CERS6: variants seen among roughly 807,000 people sequenced by gnomAD.
CERS6 encodes the protein ceramide synthase 6, also known as LAG1 homolog, ceramide synthase 6.
A neutral mutation model predicts 56.8 loss-of-function variants in CERS6; 26 were observed. The ratio of observed to expected loss-of-function variants is 0.46; its 90% confidence interval spans 0.34 to 0.63. The LOEUF is 0.63. Among genes scored for constraint, CERS6 ranks in the 30% least tolerant of loss-of-function variants. The pLI, the probability that CERS6 is intolerant of heterozygous loss-of-function variation, is 0.01. For missense variants in CERS6, 415 were observed against 467.5 expected, an observed-to-expected ratio of 0.89 and a Z score of 1.04; for synonymous variants, 164 against 173.3, an observed-to-expected ratio of 0.95 and a Z score of 0.42.
chr2:168,504,621 A>G (rs1446762763), intron 1 of CERS6, among the ~76,000 whole-genome samples: 3 of 152,060 alleles, frequency 2.0e-5, no homozygotes, highest in Admixed American at 6.5e-5. Flanking sequence ...AAGTGTCAAC[A>G]GGTGTGTTAG....
At chr2:168,478,538 C>CCTA (rs1397015526) in intron 1 of CERS6, among the ~76,000 whole-genome samples, 11 of 152,182 alleles carry the variant, frequency 7.2e-5, no homozygotes, top group Admixed American at 6.5e-5. Flanking sequence ...GAACCATAGA[C>CCTA]CATCAGCCTC....
At chr2:168,674,329 C>T (rs929164733) in intron 4 of CERS6, among the ~76,000 whole-genome samples, 1 of 152,144 alleles carries the variant, frequency 6.6e-6, no homozygotes, top group Non-Finnish European at 1.5e-5. Flanking sequence ...TGTATTATCT[C>T]AAAGGCCATC....
chr2:168,459,144 C>T (rs1488031766), intron 1 of CERS6, among the ~76,000 whole-genome samples: 2 of 152,212 alleles, frequency 1.3e-5, no homozygotes, highest in Non-Finnish European at 2.9e-5. Flanking sequence ...AGATTCTTCT[C>T]TTTGTATGCT....
intron 4 of CERS6, among the ~76,000 whole-genome samples, chr2:168,664,022 G>A (rs1276542536): frequency 6.6e-6 from 1 of 152,148 alleles, no homozygotes; most frequent in Non-Finnish European, 1.5e-5. Context: ...GGAGTTCTGG[G>A]TGCTCCATTC....
chr2:168,656,424 G>A (rs907774658), intron 4 of CERS6, among the ~76,000 whole-genome samples: 1 of 152,016 alleles, frequency 6.6e-6, no homozygotes, highest in South Asian at 2.1e-4. Context: ...AGCTCTTAAG[G>A]TGGCGCGTCT....
At chr2:168,485,398 G>T (rs6734158) in intron 1 of CERS6, among the ~76,000 whole-genome samples, 2 of 151,918 alleles carry the variant, frequency 1.3e-5, no homozygotes, top group African/African-American at 4.8e-5. Flanking sequence ...TGTGTTGTAC[G>T]TTCCATGAGT....
chr2:168,551,051 G>A (rs957396022), intron 2 of CERS6, among the ~76,000 whole-genome samples: 5 of 152,156 alleles, frequency 3.3e-5, no homozygotes, highest in African/African-American at 7.2e-5. Context: ...TGCCCCATTG[G>A]ACTTCATTAT....
At chr2:168,534,630 G>A (rs895389308) in intron 1 of CERS6, among the ~76,000 whole-genome samples, 9 of 152,210 alleles carry the variant, frequency 5.9e-5, no homozygotes, top group African/African-American at 2.2e-4. Flanking sequence ...ACTTCGAGGG[G>A]CACCAACCTC....
At chr2:168,626,098 C>T (rs1381286147) in intron 3 of CERS6, among the ~76,000 whole-genome samples, 1 of 152,024 alleles carries the variant, frequency 6.6e-6, no homozygotes, top group African/African-American at 2.4e-5. Flanking sequence ...GCTGTGTGGC[C>T]TTCAGCAAGT....
intron 1 of CERS6, among the ~76,000 whole-genome samples, chr2:168,486,446 T>C (rs1398335087): frequency 1.3e-5 from 2 of 152,064 alleles, no homozygotes; most frequent in African/African-American, 4.8e-5. Context: ...CCAGGAGTTT[T>C]ATAGTTTTTG....
chr2:168,520,625 T>TTTTTTTTTTTTTTTTTTTTTC (rs1694961257), intron 1 of CERS6, among the ~76,000 whole-genome samples: 1 of 120,908 alleles, frequency 8.3e-6, no homozygotes, highest in Non-Finnish European at 1.7e-5. Flanking sequence ...TTTTTTTTTT[T>TTTTTTTTTTTTTTTTTTTTTC]TTGAGAAGCA....
chr2:168,528,594 A>G (rs1374431785), intron 1 of CERS6, among the ~76,000 whole-genome samples: 1 of 152,146 alleles, frequency 6.6e-6, no homozygotes, highest in Non-Finnish European at 1.5e-5. Flanking sequence ...TGTACTGTGA[A>G]CAGATATTGC....
intron 1 of CERS6, among the ~76,000 whole-genome samples, chr2:168,531,872 T>C (rs1695175122): frequency 6.6e-6 from 1 of 151,302 alleles, no homozygotes; most frequent in African/African-American, 2.4e-5. Context: ...CACCTTCTGA[T>C]GTGTGAAAAG....
chr2:168,637,332 A>T (rs974809492), intron 4 of CERS6, among the ~76,000 whole-genome samples: 1 of 152,146 alleles, frequency 6.6e-6, no homozygotes, highest in Non-Finnish European at 1.5e-5. Flanking sequence ...AGAAAAAAAA[A>T]GTAGCCAGGT....
chr2:168,698,946 A>G (rs924170664), intron 6 of CERS6, among the ~76,000 whole-genome samples: 6 of 152,134 alleles, frequency 3.9e-5, no homozygotes, highest in South Asian at 2.1e-4. Context: ...TTAGATTTGT[A>G]CATTCCTGAT....
intron 1 of CERS6, among the ~76,000 whole-genome samples, chr2:168,470,916 T>C (rs1006813229): frequency 6.6e-6 from 1 of 152,026 alleles, no homozygotes; most frequent in African/African-American, 2.4e-5. Context: ...TCTTAGAGTT[T>C]AATGAGAACA....
At position 168,737,966 on chromosome 2, in the gene CERS6, C is replaced by T. The variant is rs1011120612; in HGVS notation, c.845+19988C>T. Among the ~76,000 whole-genome samples the T allele has an allele frequency of 1.1e-4, 16 of 152,082 alleles. 1 individual carries two copies. The highest frequency in any genetic ancestry group is 1.5e-5 in the Non-Finnish European group (1 of 68,026). On this transcript the variant is annotated intron_variant, in intron 8 of 9. Coordinates refer to ENST00000305747, the MANE Select transcript of CERS6 (RefSeq NM_203463.3). Reference sequence around the variant, plus strand: ...TTTGAAATATGTATAGATGAGATATCTGTACATATATATAGAGAGAGGTAT... The same window carrying T: ...TTTGAAATATGTATAGATGAGATATTTGTACATATATATAGAGAGAGGTAT...
At chr2:168,556,494 G>A (rs1369198157) in intron 2 of CERS6, among the ~76,000 whole-genome samples, 1 of 151,960 alleles carries the variant, frequency 6.6e-6, no homozygotes, top group Non-Finnish European at 1.5e-5. Flanking sequence ...CCCAAAACTT[G>A]CCCCTTACTT....
chr2:168,580,387 A>T (rs1196481412), intron 3 of CERS6, among the ~76,000 whole-genome samples: 3 of 152,084 alleles, frequency 2.0e-5, no homozygotes, highest in African/African-American at 2.4e-5. Context: ...TTATCCTAGA[A>T]ATTACAACGG....
Sources: allele counts gnomAD v4.1 joint callset (sites outside exome capture counted in the v4.1 genomes callset), GRCh38; gene constraint gnomAD v4.1.1; transcripts MANE v1.5; gene names NCBI Gene and HGNC (gene_info 2026-07-23, HGNC 2026-07-21).